The following ERMARD variants were observed in gnomAD, a reference collection of about 807,000 sequenced individuals.
ERMARD encodes the protein ER membrane associated RNA degradation, also known as endoplasmic reticulum membrane-associated RNA degradation protein.
A neutral mutation model predicts 83.9 loss-of-function variants in ERMARD; 71 were observed. That is an observed-to-expected ratio of 0.85 (90% CI 0.70 to 1.03). The LOEUF is 1.03. ERMARD is among the 50% of genes least tolerant of loss of function. ERMARD has a pLI of 0.00. For synonymous variants in ERMARD, 284 were observed against 298.6 expected, an observed-to-expected ratio of 0.95 and a Z score of 0.50; for missense variants, 838 against 810.9, an observed-to-expected ratio of 1.03 and a Z score of -0.41.
In ERMARD at chr6:169,779,237, T is replaced by G. The variant is rs139551055; in HGVS notation, c.1795T>G (p.Leu599Val). The G allele has an allele frequency of 6.2e-7, 1 of 1,614,052 alleles. No homozygotes were observed. The highest frequency in any genetic ancestry group is 1.3e-5 in the African/African-American group (1 of 74,912). Residue 599 changes from leucine to valine, a missense_variant, in exon 17 of 18, where the codon TTG (leucine) becomes GTG (valine). By Grantham distance (32) the Leu-to-Val change is conservative (BLOSUM62 1). Transcript: ENST00000366773. ...SLILLLIALE[L>V]VNIHAVCGKN... ...GATACTGTTACTCATTGCGCTGGAG[T>G]TGGTCAACATTCATGCTGTTTGTGG...
chr6:169,755,295 A>G lies in ERMARD; in HGVS notation c.188A>G (p.Asp63Gly), dbSNP rs1226130077. 2 of 1,613,926 alleles carry G rather than the reference A, an allele frequency of 1.2e-6. No individual in the cohort carries two copies. The highest frequency in any genetic ancestry group is 1.1e-5 in the South Asian group (1 of 91,066). ...VSYTESEQGL[D>G]YWGSVRLLGP... ...CTTATCCTTTAAGAGCAGGGTCTGG[A>G]TTACTGGGGAAGCGTGAGGCTGCTG... is the stretch of plus-strand genomic sequence containing the variant. The change falls in exon 3 of 18, where the codon GAT (aspartate) becomes GGT (glycine). Residue 63 changes from aspartate (D) to glycine (G), a missense_variant. Physicochemically the swap from Asp to Gly is moderately conservative, Grantham distance 94. Transcript: ENST00000366773.
At chr6:169,752,604 G>C (rs755894071) in intron 1 of ERMARD, among the ~76,000 whole-genome samples, 2 of 152,216 alleles carry the variant, frequency 1.3e-5, no homozygotes, top group Non-Finnish European at 2.9e-5. Flanking sequence ...CTGGGTGCAG[G>C]AGGAGCAAAC....
At chr6:169,773,585 A>C (rs1256069817) in intron 13 of ERMARD, among the ~76,000 whole-genome samples, 183 bp downstream of exon 13, 1 of 152,124 alleles carries the variant, frequency 6.6e-6, no homozygotes, top group Non-Finnish European at 1.5e-5. Flanking sequence ...TCTGAGTCTC[A>C]AGTTCCGTGT....
chr6:169,779,097 T>C (rs1394557947), intron 16 of ERMARD, 85 bp from the exon 17 acceptor site: 10 of 1,148,096 alleles, frequency 8.7e-6, no homozygotes, highest in Admixed American at 1.8e-5. Flanking sequence ...TTAAGGATGT[T>C]GATTAGGTGA....
chr6:169,753,936 C>T lies in ERMARD; in HGVS notation c.79C>T (p.Gln27Ter). 1 of 1,613,602 alleles carries T rather than the reference C, an allele frequency of 6.2e-7. No individual in the cohort carries two copies. Among genetic ancestry groups the T allele is most frequent in the South Asian group, 1.1e-5 (1 of 91,036 alleles). ...VYDIICNLGFQLRENCDINSI... is the reference protein window; with the variant it reads ...VYDIICNLGF ...TGATATAATTTGTAATCTTGGGTTTCAACTCAGAGAAAATTGTGATATCAA... is the reference window on the plus strand; with the variant it reads ...TGATATAATTTGTAATCTTGGGTTTTAACTCAGAGAAAATTGTGATATCAA... Residue 27 changes from glutamine to a stop codon, truncating the protein, a stop_gained, in exon 2 of 18, where the codon CAA becomes TAA. Coordinates refer to ENST00000366773, the MANE Select transcript of ERMARD (RefSeq NM_018341.3). LOFTEE classifies it high-confidence loss of function.
At chr6:169,775,139 C>A in intron 13 of ERMARD, 131 bp from the exon 14 acceptor site, 1 of 955,020 alleles carries the variant, frequency 1.0e-6, no homozygotes, top group Non-Finnish European at 1.6e-6. Context: ...CACCCACCAT[C>A]TGGTTTTAAA....
At chr6:169,760,052 C>G in intron 7 of ERMARD, 78 bp downstream of exon 7, 1 of 1,588,826 alleles carries the variant, frequency 6.3e-7, no homozygotes, top group Middle Eastern at 1.7e-4. Flanking sequence ...TTAAGAGGTG[C>G]ACTCTTGAGG....
At chr6:169,758,528 T>A (rs1307921916) in intron 5 of ERMARD, among the ~76,000 whole-genome samples, 1 of 152,250 alleles carries the variant, frequency 6.6e-6, no homozygotes, top group African/African-American at 2.4e-5. Context: ...ACCACACAAT[T>A]GCGTGCTGCT....
chr6:169,776,202 A>G, intron 15 of ERMARD, 137 bp downstream of exon 15: 1 of 1,515,720 alleles, frequency 6.6e-7, no homozygotes, highest in Non-Finnish European at 9.0e-7. Flanking sequence ...CTCCAGGAGG[A>G]ATTATGAGAT....
At position 169,779,185 on chromosome 6, in the gene ERMARD, C is replaced by T. The variant is rs374321406; in HGVS notation, c.1743C>T (p.Ile581=). The T allele has an allele frequency of 2.5e-6, 4 of 1,613,074 alleles. No individual in the cohort carries two copies. Among genetic ancestry groups the T allele is most frequent in the Non-Finnish European group, 3.4e-6 (4 of 1,179,128 alleles). Reference sequence around the variant, plus strand: ...ATTTACTTTTATCTGTTTTTAGTATCAGACTACTGTCCCCTGTGCTCAGCC... The same window carrying T: ...ATTTACTTTTATCTGTTTTTAGTATTAGACTACTGTCCCCTGTGCTCAGCC... The part of the protein sequence containing the change: ...RQNYLRMWSS[I]RLLSPVLSLI... The change falls in exon 17 of 18, where the codon ATC becomes ATT. Residue 581 remains isoleucine, a synonymous_variant. Coordinates refer to ENST00000366773, the MANE Select transcript of ERMARD (RefSeq NM_018341.3).
At chr6:169,773,101 T>G (rs1169461205) in intron 12 of ERMARD, 1 of 463,444 alleles carries the variant, frequency 2.2e-6, no homozygotes, top group Non-Finnish European at 3.8e-6. Context: ...GCATTTGTGA[T>G]CTATTATTGT....
At chr6:169,756,250 C>T (rs1251185745) in intron 3 of ERMARD, 88 bp from the exon 4 acceptor site, 4 of 695,706 alleles carry the variant, frequency 5.7e-6, no homozygotes, top group Non-Finnish European at 9.0e-6. Context: ...GTTGAAATCT[C>T]TCGAGGTTTG....
intron 1 of ERMARD, among the ~76,000 whole-genome samples, chr6:169,752,212 C>T (rs1215428257): frequency 6.6e-6 from 1 of 152,174 alleles, no homozygotes; most frequent in African/African-American, 2.4e-5. Flanking sequence ...CGGCGAGACC[C>T]CGTCTCCAAA....
chr6:169,778,790 C>T (rs915521232), intron 16 of ERMARD, among the ~76,000 whole-genome samples: 1 of 152,256 alleles, frequency 6.6e-6, no homozygotes, highest in African/African-American at 2.4e-5. Context: ...GCTTTCCTAT[C>T]GAGGCCATTT....
rs530971219 is a variant in ERMARD, at chr6:169,759,907, T to C, written c.675T>C (p.Thr225=). 1 of 1,614,244 alleles carries C rather than the reference T, an allele frequency of 6.2e-7. No individual in the cohort carries two copies. The highest frequency in any genetic ancestry group is 1.3e-5 in the African/African-American group (1 of 75,066). Residue 225 remains threonine (T), a synonymous_variant, in exon 7 of 18, where the codon ACT becomes ACC. Transcript: ENST00000366773. ...GQLLKSYLQN[T]KLTLAHRSFI... The stretch of plus-strand genomic sequence containing the variant: ...TACTGAAGAGTTACCTTCAAAACAC[T>C]AAACTTACATTGGCACATCGCTCTT...
intron 1 of ERMARD, 53 bp from the exon 2 acceptor site, chr6:169,753,811 A>C: frequency 7.4e-7 from 1 of 1,353,266 alleles, no homozygotes; most frequent in Non-Finnish European, 9.8e-7. Flanking sequence ...AATATATAAT[A>C]CTCTATTTTT....
intron 17 of ERMARD, 128 bp downstream of exon 17, chr6:169,779,423 C>A: frequency 1.3e-6 from 1 of 757,502 alleles, no homozygotes; most frequent in South Asian, 1.6e-5. Flanking sequence ...CCATCTCAGG[C>A]AAGGGTCTGA....
At chr6:169,769,016 G>A (rs1792565421) in intron 11 of ERMARD, among the ~76,000 whole-genome samples, 1 of 152,218 alleles carries the variant, frequency 6.6e-6, no homozygotes, top group South Asian at 2.1e-4. Context: ...AAAATAAGAT[G>A]ATTGAACTAG....
intron 10 of ERMARD, chr6:169,767,861 T>C: frequency 1.9e-6 from 1 of 534,642 alleles, no homozygotes; most frequent in Non-Finnish European, 3.4e-6. Context: ...CCACACATAT[T>C]CATAGTCACA....
Sources: allele counts gnomAD v4.1 joint callset (sites outside exome capture counted in the v4.1 genomes callset), GRCh38; gene constraint gnomAD v4.1.1; transcripts MANE v1.5; gene names NCBI Gene and HGNC (gene_info 2026-07-23, HGNC 2026-07-21).